Variants in SORCS2 observed in about 807,000 individuals in gnomAD.
The protein encoded by SORCS2 is VPS10 domain-containing receptor SorCS2.
A neutral mutation model predicts 141.6 loss-of-function variants in SORCS2; 100 were observed. The ratio of observed to expected loss-of-function variants is 0.71; its 90% CI spans 0.60 to 0.83. The LOEUF is 0.83. Among genes scored for constraint, SORCS2 ranks in the 40% least tolerant of loss-of-function variants. SORCS2 has a pLI of 0.00. For missense variants in SORCS2, 1,646 were observed against 1,560.2 expected (o/e 1.05, Z -0.93); for synonymous variants, 789 against 676.9 (o/e 1.17, Z -2.57).
chr4:7,400,659 A>G (rs1169746772), intron 2 of SORCS2, among the ~76,000 whole-genome samples: 1 of 152,226 alleles, frequency 6.6e-6, no homozygotes, highest in African/African-American at 2.4e-5. Context: ...GGACAGATGG[A>G]TGGATGGACA....
rs756186433 is a variant in SORCS2 at position 7,433,352 on chromosome 4, A to T, written c.548+36997A>T. 2.1e-6 allele frequency: 3 copies of T among 1,436,902 alleles called. No individual in the cohort carries two copies. Among genetic ancestry groups the T allele is most frequent in the Admixed American group, 3.0e-5 (1 of 33,020 alleles). 89.0% of individuals were successfully genotyped at this position (1,436,902 alleles called of 1,614,324 possible). A position where few individuals can be genotyped will look rare whatever the true frequency, so the allele number is the denominator to read the frequency against. On this transcript the variant is annotated intron_variant, in intron 2 of 26. Transcript: ENST00000507866. ...CCAGCGTGGAGGTGCATCTCTTTCC[A>T]TACATGCTTCTGGCAGTGTTGCACA...
intron 11 of SORCS2, among the ~76,000 whole-genome samples, chr4:7,693,013 C>T (rs1164823485): frequency 2.0e-5 from 3 of 152,174 alleles, no homozygotes; most frequent in Non-Finnish European, 2.9e-5. Flanking sequence ...TTTAACCCCC[C>T]GGTGGAGAAT....
intron 1 of SORCS2, among the ~76,000 whole-genome samples, chr4:7,206,897 A>G (rs1307503863): frequency 2.0e-5 from 3 of 152,158 alleles, no homozygotes; most frequent in Non-Finnish European, 4.4e-5. Context: ...AACAAAGACA[A>G]ATGACTCTGG....
At chr4:7,356,511 G>C (rs1180592128) in intron 1 of SORCS2, among the ~76,000 whole-genome samples, 1 of 152,176 alleles carries the variant, frequency 6.6e-6, no homozygotes, top group Non-Finnish European at 1.5e-5. Flanking sequence ...TGGAGAGAGA[G>C]AGAGAGAGAT....
intron 3 of SORCS2, among the ~76,000 whole-genome samples, chr4:7,540,366 C>T (rs1363918434): frequency 6.6e-6 from 1 of 152,080 alleles, no homozygotes; most frequent in South Asian, 2.1e-4. Flanking sequence ...GGACATAGGA[C>T]CCCAGCCTTC....
chr4:7,621,990 A>G lies in SORCS2; in HGVS notation c.649-16338A>G, dbSNP rs547396411. On this transcript the variant is annotated intron_variant, in intron 3 of 26. Transcript: ENST00000507866. ...GCGCTGTGAGTTATTAATCAGTACTATCAGGACTGATATCCGGGTGTGCGA... is the reference window on the plus strand; with the variant it reads ...GCGCTGTGAGTTATTAATCAGTACTGTCAGGACTGATATCCGGGTGTGCGA... 1.8e-4 allele frequency among the ~76,000 whole-genome samples: 27 copies of G among 152,274 alleles called. No homozygotes were observed. In the South Asian group the frequency reaches 3.7e-3, roughly 21 times the overall value.
At chr4:7,371,744 G>A (rs1440312879) in intron 1 of SORCS2, among the ~76,000 whole-genome samples, 1 of 152,178 alleles carries the variant, frequency 6.6e-6, no homozygotes, top group African/African-American at 2.4e-5. Flanking sequence ...GTGGAGGCGG[G>A]TGTGTGTCGG....
intron 3 of SORCS2, among the ~76,000 whole-genome samples, chr4:7,611,402 C>T (rs778146660): frequency 5.3e-5 from 8 of 152,182 alleles, no homozygotes; most frequent in South Asian, 2.1e-4. Flanking sequence ...AGATTCCTTC[C>T]GCCCTCTCAG....
chr4:7,202,178 C>T (rs1727518763), intron 1 of SORCS2, among the ~76,000 whole-genome samples: 2 of 152,200 alleles, frequency 1.3e-5, no homozygotes, highest in African/African-American at 4.8e-5. Context: ...AGGCAATTTG[C>T]TCACTGCTGA....
chr4:7,620,146 C>T (rs1370300755), intron 3 of SORCS2, among the ~76,000 whole-genome samples: 3 of 152,130 alleles, frequency 2.0e-5, no homozygotes, highest in South Asian at 2.1e-4. Flanking sequence ...ACCTCTTCTG[C>T]GGATTGCGAT....
chr4:7,464,657 G>A (rs1277168592), intron 2 of SORCS2, among the ~76,000 whole-genome samples: 2 of 152,208 alleles, frequency 1.3e-5, no homozygotes, highest in Non-Finnish European at 2.9e-5. Context: ...AGGGGCTGCT[G>A]TACTTTTGGG....
At chr4:7,661,466 A>C in intron 5 of SORCS2, 34 bp from the exon 6 acceptor site, 1 of 1,550,916 alleles carries the variant, frequency 6.4e-7, no homozygotes, top group Non-Finnish European at 8.7e-7. Flanking sequence ...TGGTGACTCC[A>C]TTCCCGACCC....
intron 2 of SORCS2, among the ~76,000 whole-genome samples, chr4:7,398,495 C>G (rs1405798134): frequency 2.0e-5 from 3 of 152,230 alleles, no homozygotes; most frequent in African/African-American, 7.2e-5. Flanking sequence ...CCCTTCTCAT[C>G]ACTGTCTCTA....
At chr4:7,309,976 G>A (rs1462957724) in intron 1 of SORCS2, among the ~76,000 whole-genome samples, 2 of 152,358 alleles carry the variant, frequency 1.3e-5, no homozygotes, top group African/African-American at 2.4e-5. Flanking sequence ...AGCAGGCGCT[G>A]GGAAATGGGG....
intron 3 of SORCS2, among the ~76,000 whole-genome samples, chr4:7,587,051 G>A (rs1716582482): frequency 2.6e-5 from 4 of 152,022 alleles, no homozygotes; most frequent in African/African-American, 4.8e-5. Flanking sequence ...ACAGATGATC[G>A]GAGATGGGCG....
chr4:7,724,152 T>TAG (rs1382263397), intron 19 of SORCS2, among the ~76,000 whole-genome samples: 7 of 148,862 alleles, frequency 4.7e-5, no homozygotes, highest in African/African-American at 1.0e-4. Flanking sequence ...ATGGTCGTGG[T>TAG]GGTGGTGGTG....
At chr4:7,714,805 A>C in intron 16 of SORCS2, among the ~76,000 whole-genome samples, 1 of 151,702 alleles carries the variant, frequency 6.6e-6, no homozygotes, top group African/African-American at 2.4e-5. Context: ...CCCACCTGCC[A>C]CCTCACCCCT....
rs181378306 is a variant in SORCS2, at chr4:7,401,947, T to C, written c.548+5592T>C. 4.6e-5 allele frequency among the ~76,000 whole-genome samples: 7 copies of C among 152,314 alleles called. No individual in the cohort carries two copies. The East Asian group carries it at 1.2e-3, about 25-fold the overall frequency. Reference sequence around the variant, plus strand: ...ATATCCTGAAAAGTACCTACCATGGTAGGACACATGCCCAGGTACTCATGA... The same window carrying C: ...ATATCCTGAAAAGTACCTACCATGGCAGGACACATGCCCAGGTACTCATGA... On this transcript the variant is annotated intron_variant, in intron 2 of 26. Coordinates refer to ENST00000507866, the MANE Select transcript of SORCS2 (RefSeq NM_020777.3).
chr4:7,578,514 G>C (rs1189092946), intron 3 of SORCS2, among the ~76,000 whole-genome samples: 1 of 152,200 alleles, frequency 6.6e-6, no homozygotes, highest in Non-Finnish European at 1.5e-5. Flanking sequence ...ATTACTTCCA[G>C]TTAATTTGTC....
Sources: allele counts gnomAD v4.1 joint callset (sites outside exome capture counted in the v4.1 genomes callset), GRCh38; gene constraint gnomAD v4.1.1; transcripts MANE v1.5; gene names NCBI Gene and HGNC (gene_info 2026-07-23, HGNC 2026-07-21).